Variants in SCP2 observed in about 807,000 individuals in gnomAD.
SCP2 encodes sterol carrier protein 2.
In SCP2, 48 loss-of-function variants were observed where a neutral mutation model predicts 71.4. The observed-to-expected ratio is 0.67, with a 90% CI of 0.53 to 0.86. The LOEUF (loss-of-function observed/expected upper bound fraction) is 0.86, where lower values mean the gene tolerates loss of function less well. SCP2 is among the 40% of genes least tolerant of loss of function. The probability of loss-of-function intolerance (pLI) is 0.00; values close to 1 mark genes in which losing one functional copy is unlikely to be tolerated. For missense variants in SCP2, 560 were observed against 655.6 expected (o/e 0.85, Z 1.59); for synonymous variants, 220 against 218.1 (o/e 1.01, Z -0.08).
chr1:52,932,956 A>G (rs1186521471), intron 1 of SCP2, among the ~76,000 whole-genome samples: 2 of 152,210 alleles, frequency 1.3e-5, no homozygotes, highest in Non-Finnish European at 2.9e-5. Context: ...AAAAAGTATT[A>G]GTATAAACTT....
chr1:53,043,434 A>G (rs1332549921), intron 14 of SCP2, among the ~76,000 whole-genome samples: 1 of 152,250 alleles, frequency 6.6e-6, no homozygotes, highest in African/African-American at 2.4e-5. Flanking sequence ...AATGCTATGA[A>G]TCAGTGAAGG....
intron 5 of SCP2, among the ~76,000 whole-genome samples, chr1:52,960,552 G>A (rs1342013171): frequency 3.6e-5 from 5 of 137,130 alleles, no homozygotes; most frequent in East Asian, 2.8e-4. Flanking sequence ...GTATATACAT[G>A]TGTATATATG....
chr1:53,049,900 A>G lies in SCP2; in HGVS notation c.1549-709A>G, dbSNP rs1664092412. ...TACCAGAAGCTTTTTTTTTAAATCT[A>G]GCCCTTCCTTATTTTAAGCATTCAG... On this transcript the variant is annotated intron_variant, in intron 15 of 15. Coordinates refer to ENST00000371514, the MANE Select transcript of SCP2 (RefSeq NM_002979.5). The G allele has an allele frequency of 2.6e-5, 4 of 152,202 alleles. No individual in the cohort carries two copies. In the South Asian group the frequency reaches 8.3e-4, roughly 32 times the overall value. The allele number at this position is 152,202 out of a possible 1,614,324, so 9.4% of individuals were successfully genotyped here. A position where few individuals can be genotyped will look rare whatever the true frequency, so the allele number is the denominator to read the frequency against.
intron 13 of SCP2, among the ~76,000 whole-genome samples, chr1:53,035,462 G>A (rs978956386): frequency 1.3e-5 from 2 of 152,098 alleles, no homozygotes; most frequent in African/African-American, 2.4e-5. Flanking sequence ...TCGTGGATGG[G>A]AAGACTTAAT....
intron 11 of SCP2, chr1:52,996,001 G>A: frequency 1.4e-6 from 2 of 1,408,652 alleles, no homozygotes; most frequent in East Asian, 5.1e-5. Flanking sequence ...GAGGATTTTG[G>A]TGAGGAGGCT....
chr1:52,980,657 A>T (rs1658406913), intron 10 of SCP2, 114 bp downstream of exon 10: 1 of 1,068,538 alleles, frequency 9.4e-7, no homozygotes, highest in African/African-American at 1.6e-5. Context: ...TGGCTCTGCC[A>T]CACTGTGGGA....
In SCP2 at chr1:52,951,462, G is replaced by A. The variant is rs370573234; in HGVS notation, c.331+576G>A. ...TACAAAATTAAAAAAAATTAGCCAG[G>A]CGTGGTGGTCCCAGCTATGCAGGAG... is the stretch of plus-strand genomic sequence containing the variant. On this transcript the variant is annotated intron_variant, in intron 4 of 15. Coordinates refer to ENST00000371514, the MANE Select transcript of SCP2 (RefSeq NM_002979.5). Among the ~76,000 whole-genome samples, 16 of 150,302 alleles carry A rather than the reference G, an allele frequency of 1.1e-4. No homozygotes were observed. The East Asian group carries it at 3.0e-3, about 28-fold the overall frequency.
At position 52,944,881 on chromosome 1, in the gene SCP2, G is replaced by A. The variant is rs189156631; in HGVS notation, c.127+3028G>A. On this transcript the variant is annotated intron_variant, in intron 2 of 15. Transcript: ENST00000371514. ...AGGCTGGTCTTGAACTCCTGACCTC[G>A]GGTGATCCACCCGCCTCGGCCTCCC... Among the ~76,000 whole-genome samples, 240 of 151,672 alleles carry A rather than the reference G, an allele frequency of 1.6e-3. 2 individuals are homozygous for A. The East Asian group carries it at 0.023, about 14-fold the overall frequency.
At chr1:52,993,293 C>G in intron 11 of SCP2, 6 of 1,614,100 alleles carry the variant, frequency 3.7e-6, no homozygotes, top group Non-Finnish European at 5.1e-6. Flanking sequence ...CCTGATAACC[C>G]GGACAAGTTC....
intron 11 of SCP2, 58 bp downstream of exon 11, chr1:52,988,194 G>A: frequency 1.2e-6 from 1 of 864,726 alleles, no homozygotes; most frequent in Non-Finnish European, 2.0e-6. Context: ...AAGTGTGAAT[G>A]AGTTAGTCTT....
chr1:52,970,962 A>G (rs866372972), intron 6 of SCP2, among the ~76,000 whole-genome samples: 89 of 142,382 alleles, frequency 6.3e-4, no homozygotes, highest in African/African-American at 2.2e-3. Context: ...CTATAGAGAG[A>G]CACAGATTTT....
chr1:52,931,999 A>T (rs1653197849), intron 1 of SCP2, among the ~76,000 whole-genome samples: 1 of 152,198 alleles, frequency 6.6e-6, no homozygotes, highest in African/African-American at 2.4e-5. Context: ...TGACCAAAAC[A>T]AAATATTCAA....
chr1:53,000,755 G>A (rs756360556), intron 11 of SCP2, among the ~76,000 whole-genome samples: 62 of 152,198 alleles, frequency 4.1e-4, no homozygotes, highest in Non-Finnish European at 6.9e-4. Flanking sequence ...TCAGGAGTTC[G>A]AGACCAACCT....
chr1:52,960,316 C>A (rs563495540), intron 5 of SCP2, among the ~76,000 whole-genome samples: 2 of 151,258 alleles, frequency 1.3e-5, no homozygotes, highest in Non-Finnish European at 2.9e-5. Context: ...TTAATTTATT[C>A]TTTATTTTAA....
chr1:52,970,713 G>A (rs11206054), intron 6 of SCP2, among the ~76,000 whole-genome samples: 3 of 151,846 alleles, frequency 2.0e-5, no homozygotes, highest in South Asian at 2.1e-4. Context: ...GTTGGCCTGC[G>A]ATTATCTCCC....
At chr1:52,978,477 A>G (rs1658185110) in intron 9 of SCP2, 110 bp downstream of exon 9, 3 of 847,474 alleles carry the variant, frequency 3.5e-6, no homozygotes, top group Non-Finnish European at 5.7e-6. Context: ...TAGACATGCT[A>G]TTTGTCATTA....
chr1:53,029,110 G>A (rs1662341737), intron 13 of SCP2, among the ~76,000 whole-genome samples: 1 of 151,600 alleles, frequency 6.6e-6, no homozygotes. Context: ...CTATATATGC[G>A]GATCTATTTT....
At chr1:52,943,226 CT>C (rs1217932879) in intron 2 of SCP2, among the ~76,000 whole-genome samples, 5,085 of 141,164 alleles carry the variant, frequency 0.036, 209 homozygotes, top group African/African-American at 0.1. Context: ...ATGGTGGGTT[CT>C]TTTTTTTTTT....
In SCP2 at chr1:53,048,324, G is replaced by A. The variant is rs1324309403; in HGVS notation, c.1548+387G>A. On this transcript the variant is annotated intron_variant, in intron 15 of 15. Coordinates refer to ENST00000371514, the MANE Select transcript of SCP2 (RefSeq NM_002979.5). The stretch of plus-strand genomic sequence containing the variant: ...TAGTACCCAGGCGGAAAGTAGGAGT[G>A]TTCCAGGAGGAGGGAGGGGTGGCAT... 5 of 289,580 alleles carry A rather than the reference G, an allele frequency of 1.7e-5. No homozygotes were observed. In the Admixed American group the frequency reaches 2.1e-4, roughly 12 times the overall value. 17.9% of individuals were successfully genotyped at this position (289,580 alleles called of 1,614,324 possible). A position where few individuals can be genotyped will look rare whatever the true frequency, so the allele number is the denominator to read the frequency against.
Sources: gnomAD v4.1 joint callset for allele counts (sites outside exome capture counted in the v4.1 genomes callset) on GRCh38, gnomAD v4.1.1 for gene constraint, MANE v1.5 for transcripts, NCBI Gene and HGNC (gene_info 2026-07-23, HGNC 2026-07-21) for gene names.